HAVCR1: variants seen among roughly 807,000 people sequenced by gnomAD.
HAVCR1 encodes the protein hepatitis A virus cellular receptor 1, also known as T cell immunoglobin domain and mucin domain protein 1.
HAVCR1 carries 34 observed loss-of-function variants against 32.0 expected under a neutral mutation model. The ratio of observed to expected loss-of-function variants is 1.06; its 90% CI spans 0.81 to 1.42. HAVCR1 has a LOEUF of 1.42. Among genes scored for constraint, HAVCR1 ranks in the 40% most tolerant of loss-of-function variants. HAVCR1 has a pLI of 0.00. For missense variants in HAVCR1, 420 were observed against 442.3 expected, an observed-to-expected ratio of 0.95 and a Z score of 0.45; for synonymous variants, 178 against 170.3, an observed-to-expected ratio of 1.05 and a Z score of -0.35.
At chr5:157,059,231 A>T (rs1756406716), upstream of HAVCR1, 1 of 152,362 alleles carries the variant, frequency 6.6e-6, no homozygotes, top group South Asian at 2.1e-4. Context: ...AAACATGAGT[A>T]AGCTTGCCTA....
Position 157,040,479 on chromosome 5 carries a change from A to G in HAVCR1, c.837+2148T>C, listed in dbSNP as rs545234631. ...ACAAGTTGCTAAATGTTTAAATGTT[A>G]CGCCATGTAATGGCATTCACAATGT... On this transcript the variant is annotated intron_variant, in intron 6 of 8. Coordinates refer to ENST00000523175, the MANE Select transcript of HAVCR1 (RefSeq NM_001173393.3). Among the ~76,000 whole-genome samples the G allele has an allele frequency of 4.6e-5, 7 of 152,376 alleles. No homozygotes were observed. In the East Asian group the frequency reaches 1.3e-3, roughly 29 times the overall value.
rs575667158 is a variant in HAVCR1, at chr5:157,047,420, G to C, written c.781+1618C>G. ...TACAAAATTAGCCGGGCAGGATGAC[G>C]CATACGTGTAATCCCAGCTACTTGG... is the stretch of plus-strand genomic sequence containing the variant. On this transcript the variant is annotated intron_variant, in intron 5 of 8. Coordinates refer to ENST00000523175, the MANE Select transcript of HAVCR1 (RefSeq NM_001173393.3). 6.6e-5 allele frequency among the ~76,000 whole-genome samples: 10 copies of C among 152,144 alleles called. No individual in the cohort carries two copies. In the South Asian group the frequency reaches 2.1e-3, roughly 32 times the overall value.
chr5:157,056,396 T>C (rs1265724836), intron 2 of HAVCR1, among the ~76,000 whole-genome samples: 1 of 151,766 alleles, frequency 6.6e-6, no homozygotes, highest in Admixed American at 6.6e-5. Flanking sequence ...TTTTTTTTTT[T>C]TGAGACAGAG....
At chr5:157,048,201 T>C (rs961893959) in intron 5 of HAVCR1, among the ~76,000 whole-genome samples, 2 of 152,176 alleles carry the variant, frequency 1.3e-5, no homozygotes, top group African/African-American at 4.8e-5. Flanking sequence ...GGTCTGGGAC[T>C]TGTCAGAAGC....
the HAVCR1 span, among the ~76,000 whole-genome samples, chr5:157,066,055 T>TAAAAAAA: frequency 3.1e-3 from 206 of 66,896 alleles, 5 homozygotes; most frequent in African/African-American, 7.8e-3. Flanking sequence ...GACTCCGTCT[T>TAAAAAAA]AAAAAAAAAA....
chr5:157,034,392 G>A (rs1754402158), intron 7 of HAVCR1, among the ~76,000 whole-genome samples: 1 of 152,066 alleles, frequency 6.6e-6, no homozygotes, highest in East Asian at 1.9e-4. Flanking sequence ...ATTGCTGCCA[G>A]CATGTCCCAC....
intron 4 of HAVCR1, among the ~76,000 whole-genome samples, chr5:157,050,078 G>A (rs1379471733): frequency 6.6e-6 from 1 of 152,154 alleles, no homozygotes; most frequent in Non-Finnish European, 1.5e-5. Flanking sequence ...CCCAAACCTG[G>A]CTTTCCTTAT....
intron 5 of HAVCR1, among the ~76,000 whole-genome samples, chr5:157,044,651 A>G (rs1755242822): frequency 7.4e-6 from 1 of 134,844 alleles, no homozygotes; most frequent in African/African-American, 2.9e-5. Context: ...GAAAGAAAGA[A>G]AGAAAGAAAG....
At chr5:157,066,055 TAAA>T in the HAVCR1 span, among the ~76,000 whole-genome samples, 2 of 66,930 alleles carry the variant, frequency 3.0e-5, no homozygotes, top group South Asian at 5.1e-4. Context: ...GACTCCGTCT[TAAA>T]AAAAAAAAAA....
rs903225635 is a variant in HAVCR1 at position 157,042,063 on chromosome 5, A to T, written c.837+564T>A. 1.0e-4 allele frequency among the ~76,000 whole-genome samples: 14 copies of T among 139,190 alleles called. 1 individual carries two copies. In the South Asian group the frequency reaches 3.7e-3, roughly 37 times the overall value. The allele number at this position is 139,190 out of a possible 152,430, so 91.3% of individuals were successfully genotyped here. A position where few individuals can be genotyped will look rare whatever the true frequency, so the allele number is the denominator to read the frequency against. On this transcript the variant is annotated intron_variant, in intron 6 of 8. Transcript: ENST00000523175. ...GACAGAGTGATGTTCTGTCTCAAAA[A>T]ATTAGCTCATTCTTTCTTCCCCTAT...
At chr5:157,044,901 A>G (rs186681532) in intron 5 of HAVCR1, among the ~76,000 whole-genome samples, 1 of 152,242 alleles carries the variant, frequency 6.6e-6, no homozygotes, top group Admixed American at 6.5e-5. Context: ...TTTGATACTC[A>G]AGGTCCTTTT....
At chr5:157,034,378 C>T (rs913621762) in intron 7 of HAVCR1, among the ~76,000 whole-genome samples, 1 of 151,918 alleles carries the variant, frequency 6.6e-6, no homozygotes, top group African/African-American at 2.4e-5. Flanking sequence ...CAGTAAAGAG[C>T]AGTATTGCTG....
chr5:157,057,443 GAAA>G (rs1756264368), intron 2 of HAVCR1, among the ~76,000 whole-genome samples: 1 of 130,258 alleles, frequency 7.7e-6, no homozygotes, highest in African/African-American at 2.7e-5. Context: ...AAGAAAGAAA[GAAA>G]GAAAGAAAGA....
upstream of HAVCR1, among the ~76,000 whole-genome samples, chr5:157,063,327 C>A (rs193256061): frequency 8.0e-4 from 118 of 146,656 alleles, no homozygotes; most frequent in African/African-American, 2.9e-3. Context: ...CTTTTTTTGC[C>A]CAGGCTGGAG....
At chr5:157,062,390 CAGAAA>C (rs1486839773), upstream of HAVCR1, among the ~76,000 whole-genome samples, 1 of 152,160 alleles carries the variant, frequency 6.6e-6, no homozygotes, top group Admixed American at 6.6e-5. Flanking sequence ...AGAAAGAATT[CAGAAA>C]AGAAAATAAT....
chr5:157,041,473 G>A (rs1445290811), intron 6 of HAVCR1, among the ~76,000 whole-genome samples: 1 of 134,442 alleles, frequency 7.4e-6, no homozygotes, highest in Non-Finnish European at 1.6e-5. Context: ...ACTCCAGCCT[G>A]GGTGACAGAA....
At chr5:157,048,236 C>T (rs1755523881) in intron 5 of HAVCR1, among the ~76,000 whole-genome samples, 1 of 152,136 alleles carries the variant, frequency 6.6e-6, no homozygotes, top group Admixed American at 6.5e-5. Context: ...TTGAGCTAAA[C>T]ATCAGAGGGC....
chr5:157,051,622 C>G (rs1341146224), intron 4 of HAVCR1, among the ~76,000 whole-genome samples: 2 of 151,756 alleles, frequency 1.3e-5, no homozygotes, highest in African/African-American at 4.9e-5. Flanking sequence ...ACTTGACCTC[C>G]CGGCCCCAAG....
At chr5:157,056,541 G>A (rs890924552) in intron 2 of HAVCR1, among the ~76,000 whole-genome samples, 5 of 151,764 alleles carry the variant, frequency 3.3e-5, no homozygotes, top group African/African-American at 7.2e-5. Context: ...CGCCACGCCC[G>A]GCTAATTTTT....
Sources: gnomAD v4.1 joint callset for allele counts (sites outside exome capture counted in the v4.1 genomes callset) on GRCh38, gnomAD v4.1.1 for gene constraint, MANE v1.5 for transcripts, NCBI Gene and HGNC (gene_info 2026-07-23, HGNC 2026-07-21) for gene names.